CAMTA1: variants seen among roughly 807,000 people sequenced by gnomAD.
The protein encoded by CAMTA1 is calmodulin binding transcription activator 1.
Under a neutral mutation model 170.9 loss-of-function variants are expected in CAMTA1, and 27 were observed. That is an observed-to-expected ratio of 0.16 (90% CI 0.12 to 0.22). CAMTA1 has a LOEUF of 0.22. CAMTA1 is among the 10% of genes least tolerant of loss of function. The pLI, the probability that CAMTA1 is intolerant of heterozygous loss-of-function variation, is 1.00. For synonymous variants in CAMTA1, 833 were observed against 891.5 expected (o/e 0.93, Z 1.17); for missense variants, 1,619 against 2,217.2 (o/e 0.73, Z 5.42).
At chr1:7,181,722 A>T (rs909876888) in intron 4 of CAMTA1, among the ~76,000 whole-genome samples, 3 of 151,800 alleles carry the variant, frequency 2.0e-5, no homozygotes, top group Non-Finnish European at 4.4e-5. Flanking sequence ...GTAGTCTTGA[A>T]CAAATAGAAA....
intron 4 of CAMTA1, among the ~76,000 whole-genome samples, chr1:7,104,120 AACACACATAACTACACACGTACACACAAC>A (rs1340756368): frequency 7.2e-5 from 4 of 55,578 alleles, no homozygotes; most frequent in African/African-American, 1.3e-4. Context: ...ATGTACACAC[AACACACATAACTACACACGTACACACAAC>A]ACACATATGC....
intron 5 of CAMTA1, among the ~76,000 whole-genome samples, chr1:7,331,320 G>A (rs189891625): frequency 6.8e-4 from 103 of 152,264 alleles, no homozygotes; most frequent in Non-Finnish European, 9.4e-4. Context: ...GGCCATCATC[G>A]GTTTGGCCAG....
At chr1:7,021,395 T>C (rs990427531) in intron 3 of CAMTA1, among the ~76,000 whole-genome samples, 1 of 151,856 alleles carries the variant, frequency 6.6e-6, no homozygotes, top group Non-Finnish European at 1.5e-5. Flanking sequence ...ATCGCTCAGC[T>C]TCTCTCTTTG....
chr1:7,272,335 A>G lies in CAMTA1; in HGVS notation c.438+22709A>G, dbSNP rs893345877. Among the ~76,000 whole-genome samples, 17 of 152,302 alleles carry G rather than the reference A, an allele frequency of 1.1e-4. 1 individual carries two copies. The South Asian group carries it at 2.1e-3, about 19-fold the overall frequency. Reference sequence around the variant, plus strand: ...ATGGCAGTACTCCCCAAATTGATCTACAGATTCAACGTAATCTTTATCAAA... The same window carrying G: ...ATGGCAGTACTCCCCAAATTGATCTGCAGATTCAACGTAATCTTTATCAAA... On this transcript the variant is annotated intron_variant, in intron 5 of 22. Transcript: ENST00000303635.
intron 5 of CAMTA1, among the ~76,000 whole-genome samples, chr1:7,352,420 T>C (rs910554642): frequency 2.0e-4 from 30 of 152,208 alleles, no homozygotes; most frequent in African/African-American, 7.2e-4. Flanking sequence ...CATGTGTTTA[T>C]GTCCTGGTGT....
At chr1:7,261,268 G>A (rs1427547162) in intron 5 of CAMTA1, among the ~76,000 whole-genome samples, 1 of 152,030 alleles carries the variant, frequency 6.6e-6, no homozygotes, top group Non-Finnish European at 1.5e-5. Flanking sequence ...GTTAGTACCT[G>A]GCATTCATCG....
chr1:7,461,819 T>C (rs987771083), intron 5 of CAMTA1, among the ~76,000 whole-genome samples: 6 of 152,250 alleles, frequency 3.9e-5, no homozygotes, highest in Admixed American at 3.9e-4. Context: ...GGGCCATGCA[T>C]GCTCATACTC....
intron 5 of CAMTA1, among the ~76,000 whole-genome samples, chr1:7,371,608 C>T (rs376205290): frequency 4.6e-5 from 7 of 152,320 alleles, no homozygotes; most frequent in Middle Eastern, 3.4e-3. Flanking sequence ...GTTTCCTGGC[C>T]GTCCTCATCA....
In CAMTA1 at chr1:7,237,111, A is replaced by T. The variant is rs1664023268; in HGVS notation, c.303-12380A>T. Among the ~76,000 whole-genome samples, 3 of 152,238 alleles carry T rather than the reference A, an allele frequency of 2.0e-5. No homozygotes were observed. The South Asian group carries it at 6.2e-4, about 31-fold the overall frequency. On this transcript the variant is annotated intron_variant, in intron 4 of 22. Coordinates refer to ENST00000303635, the MANE Select transcript of CAMTA1 (RefSeq NM_015215.4). ...GATAGGACCAAAGGCATTGGGAGGA[A>T]ACAGTGGAGCTGACCTAGGGTTTGG...
intron 6 of CAMTA1, among the ~76,000 whole-genome samples, chr1:7,625,267 G>C (rs1391285931): frequency 6.6e-6 from 1 of 152,258 alleles, no homozygotes; most frequent in Non-Finnish European, 1.5e-5. Context: ...AGTGAGGGGA[G>C]ACTGGGGCGG....
intron 4 of CAMTA1, among the ~76,000 whole-genome samples, chr1:7,174,187 T>G (rs899841957): frequency 2.0e-5 from 3 of 152,118 alleles, no homozygotes; most frequent in Non-Finnish European, 4.4e-5. Context: ...GCCGGGAAAA[T>G]GGTTGTATTA....
chr1:7,520,579 A>T (rs1429978853), intron 6 of CAMTA1, among the ~76,000 whole-genome samples: 2 of 151,610 alleles, frequency 1.3e-5, no homozygotes, highest in East Asian at 2.0e-4. Context: ...GCACATGGGC[A>T]CCCGTCATCT....
At chr1:6,785,637 C>T (rs976494405) in intron 1 of CAMTA1, 62 bp downstream of exon 1, 15 of 926,226 alleles carry the variant, frequency 1.6e-5, no homozygotes, top group Non-Finnish European at 1.8e-5. Flanking sequence ...CCGGCCCCGC[C>T]GGACATCCCG....
intron 3 of CAMTA1, among the ~76,000 whole-genome samples, chr1:6,890,305 A>G (rs552484095): frequency 7.9e-5 from 12 of 152,352 alleles, no homozygotes; most frequent in Middle Eastern, 3.4e-3. Context: ...TGGACTTGAT[A>G]TAAGAAGGGA....
chr1:7,752,302 G>A (rs1435312573), intron 20 of CAMTA1, among the ~76,000 whole-genome samples, 157 bp from the exon 21 acceptor site: 1 of 152,150 alleles, frequency 6.6e-6, no homozygotes, highest in Non-Finnish European at 1.5e-5. Context: ...AACAGCATAC[G>A]CACTCATCCC....
At chr1:7,148,053 G>T (rs985370072) in intron 4 of CAMTA1, among the ~76,000 whole-genome samples, 2 of 138,656 alleles carry the variant, frequency 1.4e-5, no homozygotes, top group African/African-American at 5.5e-5. Flanking sequence ...CACCATGCAC[G>T]TATGCACACA....
At chr1:6,884,732 T>G (rs922217710) in intron 3 of CAMTA1, among the ~76,000 whole-genome samples, 6 of 152,208 alleles carry the variant, frequency 3.9e-5, no homozygotes, top group Admixed American at 6.5e-5. Context: ...GCCTTATGTG[T>G]TGAAGGAATA....
At chr1:7,094,708 T>C (rs993664858) in intron 4 of CAMTA1, among the ~76,000 whole-genome samples, 1 of 152,092 alleles carries the variant, frequency 6.6e-6, no homozygotes, top group African/African-American at 2.4e-5. Flanking sequence ...ACACGGAGGC[T>C]CCCAGGGCTG....
chr1:7,107,285 TGTGTGTGTGTGTGTGTGC>T (rs1364325863), intron 4 of CAMTA1, among the ~76,000 whole-genome samples: 6 of 150,494 alleles, frequency 4.0e-5, no homozygotes, highest in African/African-American at 7.4e-5. Context: ...TGCATGTGTG[TGTGTGTGTGTGTGTGTGC>T]GCGCCCACAC....
Sources: gnomAD v4.1 joint callset for allele counts (sites outside exome capture counted in the v4.1 genomes callset) on GRCh38, gnomAD v4.1.1 for gene constraint, MANE v1.5 for transcripts, NCBI Gene and HGNC (gene_info 2026-07-23, HGNC 2026-07-21) for gene names.